The following WDFY4 variants were observed in gnomAD, a reference collection of about 807,000 sequenced individuals.
WDFY4 encodes WDFY family member 4.
WDFY4 carries 169 observed loss-of-function variants against 351.9 expected under a neutral mutation model. The observed-to-expected ratio is 0.48, with a 90% confidence interval of 0.42 to 0.55. The LOEUF is 0.55. Ranked by LOEUF, WDFY4 falls within the 20% of genes least tolerant of loss-of-function variation. The probability of loss-of-function intolerance (pLI) is 0.00; values close to 1 mark genes in which losing one functional copy is unlikely to be tolerated. For missense variants in WDFY4, 3,803 were observed against 3,935.6 expected (o/e 0.97, Z 0.90); for synonymous variants, 1,622 against 1,574.6 (o/e 1.03, Z -0.71).
chr10:48,897,616 G>A (rs1358982226), intron 45 of WDFY4, 42 bp downstream of exon 45: 1 of 1,533,156 alleles, frequency 6.5e-7, no homozygotes, highest in Non-Finnish European at 8.8e-7. Flanking sequence ...CCTGCGAGAG[G>A]CAGGGCCATG....
At chr10:48,830,058 G>C (rs1468409453) in intron 37 of WDFY4, among the ~76,000 whole-genome samples, 2 of 152,220 alleles carry the variant, frequency 1.3e-5, no homozygotes, top group Non-Finnish European at 2.9e-5. Context: ...TGTTACCAGA[G>C]AGGGGACTCA....
chr10:48,856,007 G>A (rs2069120482), intron 39 of WDFY4, among the ~76,000 whole-genome samples: 1 of 152,024 alleles, frequency 6.6e-6, no homozygotes, highest in African/African-American at 2.4e-5. Flanking sequence ...GGAATATCTT[G>A]GAACGTGTCC....
intron 39 of WDFY4, among the ~76,000 whole-genome samples, chr10:48,833,356 G>A (rs1408593350): frequency 1.3e-5 from 2 of 152,038 alleles, no homozygotes; most frequent in African/African-American, 2.4e-5. Flanking sequence ...CTTAAGGGGG[G>A]CTATTGGCTG....
chr10:48,973,512 A>G (rs760727767), intron 57 of WDFY4, among the ~76,000 whole-genome samples: 1 of 152,254 alleles, frequency 6.6e-6, no homozygotes, highest in South Asian at 2.1e-4. Context: ...ACCCAAATGA[A>G]TGAGTGATTG....
At chr10:48,872,342 G>A (rs576799964) in intron 40 of WDFY4, among the ~76,000 whole-genome samples, 2 of 152,188 alleles carry the variant, frequency 1.3e-5, no homozygotes, top group South Asian at 4.1e-4. Flanking sequence ...CAACAGACCA[G>A]GTTTAAATCT....
chr10:48,959,860 C>A, intron 53 of WDFY4, 47 bp downstream of exon 53: 1 of 1,500,158 alleles, frequency 6.7e-7, no homozygotes, highest in Non-Finnish European at 9.0e-7. Context: ...ACCTGAACAT[C>A]CCCTCAAGTT....
At chr10:48,723,663 C>A in intron 5 of WDFY4, 96 bp downstream of exon 5, 1 of 1,487,068 alleles carries the variant, frequency 6.7e-7, no homozygotes. Context: ...TCTTTCTCAG[C>A]CCTGGTTCCT....
intron 19 of WDFY4, 56 bp downstream of exon 19, chr10:48,780,175 C>A (rs1214525809): frequency 3.9e-5 from 60 of 1,523,138 alleles, no homozygotes; most frequent in Non-Finnish European, 5.2e-5. Flanking sequence ...CTGCTACTAC[C>A]CTGAAGTGGC....
chr10:48,891,912 A>G (rs1410150073), intron 44 of WDFY4, among the ~76,000 whole-genome samples: 1 of 152,224 alleles, frequency 6.6e-6, no homozygotes, highest in Non-Finnish European at 1.5e-5. Flanking sequence ...ATGTCAGCCC[A>G]CCTTGGTTGA....
intron 49 of WDFY4, 108 bp downstream of exon 49, chr10:48,943,557 A>AC: frequency 1.7e-6 from 2 of 1,175,136 alleles, no homozygotes; most frequent in South Asian, 3.7e-5. Flanking sequence ...CGTCACATGA[A>AC]CCTGGGTACC....
chr10:48,770,407 A>G (rs1003196516), intron 13 of WDFY4, among the ~76,000 whole-genome samples: 3 of 152,240 alleles, frequency 2.0e-5, no homozygotes, highest in Admixed American at 6.5e-5. Flanking sequence ...ACTGGAAATC[A>G]TAGACATTTC....
Position 48,873,548 on chromosome 10 carries a change from C to A in WDFY4, c.6799C>A (p.Leu2267Ile). The A allele has an allele frequency of 1.3e-6, 2 of 1,551,708 alleles. No homozygotes were observed. ...ANAWARIQEQ[L>I]FGELGLWSQG... is the part of the protein sequence containing the mutation. Reference sequence around the variant, plus strand: ...CGCCTGGGCCAGGATCCAGGAGCAGCTTTTTGGGGAGCTGGGCTTGTGGAG... The same window carrying A: ...CGCCTGGGCCAGGATCCAGGAGCAGATTTTTGGGGAGCTGGGCTTGTGGAG... The change falls in exon 41 of 62, where the codon CTT becomes ATT. Residue 2267 changes from leucine (L) to isoleucine (I), a missense_variant. By Grantham distance (5) the Leu-to-Ile change is conservative. Transcript: ENST00000325239.
intron 50 of WDFY4, 42 bp from the exon 51 acceptor site, chr10:48,946,818 G>T (rs1379828289): frequency 2.1e-6 from 3 of 1,429,928 alleles, no homozygotes; most frequent in African/African-American, 1.4e-5. Context: ...ACGTGTGAGT[G>T]CAGGTAAGGA....
intron 47 of WDFY4, among the ~76,000 whole-genome samples, chr10:48,907,725 G>A (rs868590025): frequency 8.5e-5 from 13 of 152,158 alleles, no homozygotes; most frequent in Middle Eastern, 3.2e-3. Context: ...GCCCCCTAGA[G>A]ATTCATGCCA....
At chr10:48,805,129 A>C in intron 25 of WDFY4, 131 bp from the exon 26 acceptor site, 1 of 1,109,396 alleles carries the variant, frequency 9.0e-7, no homozygotes, top group Non-Finnish European at 1.3e-6. Flanking sequence ...CATCTTGACA[A>C]ATTGCCAAGA....
intron 47 of WDFY4, among the ~76,000 whole-genome samples, chr10:48,927,769 C>T (rs778872626): frequency 5.9e-5 from 9 of 152,310 alleles, no homozygotes; most frequent in East Asian, 5.8e-4. Flanking sequence ...AGAGGTCACA[C>T]GGCCCAATAA....
At chr10:48,743,617 T>C (rs1330879004) in intron 12 of WDFY4, 69 bp downstream of exon 12, 6 of 1,460,098 alleles carry the variant, frequency 4.1e-6, no homozygotes, top group Non-Finnish European at 5.5e-6. Context: ...GTCTTGCGCA[T>C]GTGTACTCAG....
intron 49 of WDFY4, among the ~76,000 whole-genome samples, chr10:48,943,768 G>T (rs373209245): frequency 3.3e-5 from 5 of 152,164 alleles, no homozygotes; most frequent in African/African-American, 1.2e-4. Flanking sequence ...AATTTTTTTT[G>T]TATTTTAGTA....
At position 48,820,454 on chromosome 10, in the gene WDFY4, G is replaced by A. The variant is rs1193381017; in HGVS notation, c.5709+17G>A. On this transcript the variant is annotated intron_variant, in intron 33 of 61. Transcript: ENST00000325239. ...CTCCTGGAGGTGGGTTGGAAAAGGTGACATTGGGCCATGTGCTGTGGAGGC... is the reference window on the plus strand; with the variant it reads ...CTCCTGGAGGTGGGTTGGAAAAGGTAACATTGGGCCATGTGCTGTGGAGGC... 1 of 1,550,028 alleles carries A rather than the reference G, an allele frequency of 6.5e-7. No homozygotes were observed. The highest frequency in any genetic ancestry group is 1.4e-5 in the African/African-American group (1 of 72,984).
Sources: gnomAD v4.1 joint callset for allele counts (sites outside exome capture counted in the v4.1 genomes callset) on GRCh38, gnomAD v4.1.1 for gene constraint, MANE v1.5 for transcripts, NCBI Gene and HGNC (gene_info 2026-07-23, HGNC 2026-07-21) for gene names.